Variants in POLR3B observed in about 807,000 individuals in gnomAD.
POLR3B encodes the protein RNA polymerase III subunit B, also known as DNA-directed RNA polymerase III subunit RPC2.
POLR3B carries 96 observed loss-of-function variants against 147.4 expected under a neutral mutation model. The observed-to-expected ratio is 0.65, with a 90% CI of 0.55 to 0.77. POLR3B has a LOEUF of 0.77. Among genes scored for constraint, POLR3B ranks in the 30% least tolerant of loss-of-function variants. The pLI is 0.00. For missense variants in POLR3B, 1,036 were observed against 1,413.5 expected (o/e 0.73, Z 4.28); for synonymous variants, 461 against 485.9 (o/e 0.95, Z 0.67).
intron 11 of POLR3B, among the ~76,000 whole-genome samples, chr12:106,406,723 T>G (rs2037156542): frequency 6.6e-6 from 1 of 152,208 alleles, no homozygotes; most frequent in South Asian, 2.1e-4. Context: ...TTTTATTAAT[T>G]TATTATTAAA....
intron 6 of POLR3B, among the ~76,000 whole-genome samples, chr12:106,375,808 C>T (rs578105826): frequency 6.6e-6 from 1 of 152,252 alleles, no homozygotes; most frequent in South Asian, 2.1e-4. Flanking sequence ...ATTTCTGACT[C>T]TCACTAAAGC....
chr12:106,415,399 T>G (rs2246353), intron 12 of POLR3B, among the ~76,000 whole-genome samples: 36,474 of 152,184 alleles, frequency 0.24, 5,969 homozygotes, highest in East Asian at 0.71. Context: ...ATTCTACTTA[T>G]GAGATCAGTC....
intron 23 of POLR3B, among the ~76,000 whole-genome samples, chr12:106,487,051 A>G (rs1485498676): frequency 6.6e-6 from 1 of 152,260 alleles, no homozygotes; most frequent in Non-Finnish European, 1.5e-5. Flanking sequence ...AAGGAGCCAC[A>G]CAATAACCCA....
rs541225072 is a variant in POLR3B, at chr12:106,453,651, A to C, written c.2084-851A>C. 2.6e-5 allele frequency among the ~76,000 whole-genome samples: 4 copies of C among 152,314 alleles called. No individual in the cohort carries two copies. In the South Asian group the frequency reaches 8.3e-4, roughly 32 times the overall value. ...AACTTTAACATCTCTTTGTAGCATC[A>C]GTTCTGTGTCCACAAGCCGAGGAGA... On this transcript the variant is annotated intron_variant, in intron 19 of 27. Transcript: ENST00000228347.
chr12:106,479,470 T>G (rs1356274570), intron 23 of POLR3B, among the ~76,000 whole-genome samples: 1 of 151,918 alleles, frequency 6.6e-6, no homozygotes, highest in Non-Finnish European at 1.5e-5. Flanking sequence ...AAGCTCTGCC[T>G]CCTGGGTTCA....
At chr12:106,443,484 G>A (rs1427829995) in intron 18 of POLR3B, among the ~76,000 whole-genome samples, 1 of 151,956 alleles carries the variant, frequency 6.6e-6, no homozygotes, top group African/African-American at 2.4e-5. Flanking sequence ...AGTGTCTAGT[G>A]GCTATGGTAT....
chr12:106,409,367 TTTTTC>T (rs2037192591), intron 11 of POLR3B, among the ~76,000 whole-genome samples: 1 of 146,556 alleles, frequency 6.8e-6, no homozygotes, highest in South Asian at 2.2e-4. Flanking sequence ...TTTTTTTTTT[TTTTTC>T]TTGAGGATGG....
chr12:106,391,263 T>C (rs2036909580), intron 9 of POLR3B, among the ~76,000 whole-genome samples: 1 of 152,118 alleles, frequency 6.6e-6, no homozygotes, highest in Non-Finnish European at 1.5e-5. Context: ...ATGGTAGCTA[T>C]CTTCCCCCAG....
intron 14 of POLR3B, among the ~76,000 whole-genome samples, chr12:106,431,725 AT>A (rs552447823): frequency 2.6e-5 from 4 of 152,176 alleles, no homozygotes; most frequent in Non-Finnish European, 5.9e-5. Flanking sequence ...TCTTATTCAA[AT>A]TTTGCCAGTT....
intron 23 of POLR3B, among the ~76,000 whole-genome samples, chr12:106,479,441 C>T (rs1020194569): frequency 6.6e-5 from 10 of 150,702 alleles, no homozygotes; most frequent in East Asian, 3.9e-4. Context: ...AGTGCAGTGG[C>T]GCAATCTTGG....
Position 106,420,070 on chromosome 12 carries a change from C to G in POLR3B, c.1102-7127C>G, listed in dbSNP as rs538570286. ...CAGGCGTTTCCAGAGTTGTCACATT[C>G]GGTGGCTCAGGAATCTAAGAGTAAG... On this transcript the variant is annotated intron_variant, in intron 12 of 27. Transcript: ENST00000228347. 1.5e-4 allele frequency among the ~76,000 whole-genome samples: 23 copies of G among 151,992 alleles called. No homozygotes were observed. The South Asian group carries it at 4.6e-3, about 30-fold the overall frequency.
intron 12 of POLR3B, among the ~76,000 whole-genome samples, chr12:106,422,380 A>G (rs2037384406): frequency 6.6e-6 from 1 of 152,308 alleles, no homozygotes; most frequent in African/African-American, 2.4e-5. Context: ...AACTGAGCAG[A>G]TGGCCAGCAT....
chr12:106,496,928 C>G lies in POLR3B; in HGVS notation c.2984+10C>G. On this transcript the variant is annotated intron_variant, in intron 25 of 27. Coordinates refer to ENST00000228347, the MANE Select transcript of POLR3B (RefSeq NM_018082.6). Reference sequence around the variant, plus strand: ...CATCCGGCATCACAGGGTAAGCATGCGATTGAGCTATTTTAAAGAAAAAGA... The same window carrying G: ...CATCCGGCATCACAGGGTAAGCATGGGATTGAGCTATTTTAAAGAAAAAGA... 1 of 1,611,562 alleles carries G rather than the reference C, an allele frequency of 6.2e-7. No individual in the cohort carries two copies. The highest frequency in any genetic ancestry group is 8.5e-7 in the Non-Finnish European group (1 of 1,178,298).
chr12:106,397,631 C>T (rs1334725295), intron 10 of POLR3B, among the ~76,000 whole-genome samples: 1 of 152,190 alleles, frequency 6.6e-6, no homozygotes, highest in Non-Finnish European at 1.5e-5. Flanking sequence ...GTCTAAGATT[C>T]ATCCAAGTTA....
chr12:106,449,738 G>A (rs1394969398), intron 19 of POLR3B, among the ~76,000 whole-genome samples: 1 of 152,134 alleles, frequency 6.6e-6, no homozygotes, highest in Non-Finnish European at 1.5e-5. Flanking sequence ...TGCTGTCTCA[G>A]GGGTAGTAAA....
intron 9 of POLR3B, among the ~76,000 whole-genome samples, chr12:106,386,372 A>G (rs2036838170): frequency 6.6e-6 from 1 of 151,760 alleles, no homozygotes; most frequent in East Asian, 1.9e-4. Flanking sequence ...ACTTTATCTA[A>G]TGGTGTAGAA....
chr12:106,389,674 C>T (rs896496749), intron 9 of POLR3B, among the ~76,000 whole-genome samples: 1 of 151,914 alleles, frequency 6.6e-6, no homozygotes, highest in Non-Finnish European at 1.5e-5. Context: ...TCCAGAAATC[C>T]AAAATCTGAA....
rs1446758235 is a variant in POLR3B at position 106,405,993 on chromosome 12, TA to T, written c.966+18del. 1 of 1,613,032 alleles carries T rather than the reference TA, an allele frequency of 6.2e-7. No homozygotes were observed. Among genetic ancestry groups the T allele is most frequent in the African/African-American group, 1.3e-5 (1 of 74,880 alleles). On this transcript the variant is annotated intron_variant, in intron 11 of 27. Transcript: ENST00000228347. Reference sequence around the variant, plus strand: ...CATGTCCCAGTGAGTAACACTTCGTTATTGTGAATAAGGACTGTGGGGTCTG... The same window carrying T: ...CATGTCCCAGTGAGTAACACTTCGTTTTGTGAATAAGGACTGTGGGGTCTG...
intron 22 of POLR3B, 70 bp downstream of exon 22, chr12:106,459,438 A>T (rs1244932226): frequency 4.5e-6 from 4 of 880,396 alleles, no homozygotes; most frequent in Non-Finnish European, 7.8e-6. Context: ...AGAAATTCGA[A>T]GTTAGGTCTT....
Sources: allele counts gnomAD v4.1 joint callset (sites outside exome capture counted in the v4.1 genomes callset), GRCh38; gene constraint gnomAD v4.1.1; transcripts MANE v1.5; gene names NCBI Gene and HGNC (gene_info 2026-07-23, HGNC 2026-07-21).